SOX5: variants seen among roughly 807,000 people sequenced by gnomAD.
SOX5 encodes the protein transcription factor SOX-5.
Under a neutral mutation model 92.0 loss-of-function variants are expected in SOX5, and 9 were observed. The ratio of observed to expected loss-of-function variants is 0.10; its 90% confidence interval spans 0.06 to 0.17. The LOEUF is 0.17. Among genes scored for constraint, SOX5 ranks in the 10% least tolerant of loss-of-function variants. The pLI, the probability that SOX5 is intolerant of heterozygous loss-of-function variation, is 1.00. For missense variants in SOX5, 642 were observed against 944.5 expected, an observed-to-expected ratio of 0.68 and a Z score of 4.20; for synonymous variants, 344 against 336.3, an observed-to-expected ratio of 1.02 and a Z score of -0.25.
chr12:24,256,661 C>T (rs1204912326), intron 3 of SOX5, among the ~76,000 whole-genome samples: 2 of 55,988 alleles, frequency 3.6e-5, no homozygotes, highest in African/African-American at 7.0e-5. Flanking sequence ...AGAAGAGGGG[C>T]AGGGTGGGTG....
chr12:24,353,860 T>C (rs1485609309), intron 2 of SOX5, among the ~76,000 whole-genome samples: 1 of 152,074 alleles, frequency 6.6e-6, no homozygotes, highest in African/African-American at 2.4e-5. Context: ...AGTCTGGTCT[T>C]GAACTCCTGA....
At chr12:23,689,757 G>C (rs2088400345) in intron 6 of SOX5, among the ~76,000 whole-genome samples, 1 of 152,112 alleles carries the variant, frequency 6.6e-6, no homozygotes, top group African/African-American at 2.4e-5. Context: ...GATACAAGGA[G>C]AAAGAAACAT....
chr12:23,887,280 G>A (rs1486455577), intron 2 of SOX5, among the ~76,000 whole-genome samples: 1 of 152,024 alleles, frequency 6.6e-6, no homozygotes, highest in Non-Finnish European at 1.5e-5. Context: ...TCTAATAATG[G>A]CTCTATTGAG....
chr12:24,198,027 A>G (rs969915829), intron 4 of SOX5, among the ~76,000 whole-genome samples: 3 of 152,196 alleles, frequency 2.0e-5, no homozygotes, highest in African/African-American at 7.2e-5. Context: ...GAACTCTGAT[A>G]ATTAACAAAC....
intron 9 of SOX5, among the ~76,000 whole-genome samples, chr12:23,593,622 C>T (rs1360459329): frequency 6.6e-6 from 1 of 152,042 alleles, no homozygotes; most frequent in Non-Finnish European, 1.5e-5. Context: ...ATAAACTCAT[C>T]AATCTCACTA....
chr12:24,056,929 C>T (rs1329987684), intron 4 of SOX5, among the ~76,000 whole-genome samples: 2 of 132,340 alleles, frequency 1.5e-5, no homozygotes, highest in East Asian at 4.3e-4. Flanking sequence ...GAGCCGAGAT[C>T]CCGCCACTGC....
At chr12:24,468,244 A>G (rs1024048573) in intron 1 of SOX5, among the ~76,000 whole-genome samples, 6 of 152,218 alleles carry the variant, frequency 3.9e-5, no homozygotes, top group Admixed American at 3.3e-4. Context: ...TTGGAATCAA[A>G]GCCTCGTTCT....
At chr12:24,082,273 C>T (rs1481294886) in intron 4 of SOX5, among the ~76,000 whole-genome samples, 1 of 151,584 alleles carries the variant, frequency 6.6e-6, no homozygotes, top group East Asian at 1.9e-4. Flanking sequence ...CTCACTGTTT[C>T]CCTGTGAACC....
At chr12:24,158,817 C>A (rs1182870798) in intron 4 of SOX5, among the ~76,000 whole-genome samples, 1 of 151,810 alleles carries the variant, frequency 6.6e-6, no homozygotes, top group Non-Finnish European at 1.5e-5. Context: ...GTCACCTAAG[C>A]AAGTATGTCA....
At chr12:24,107,452 T>C (rs1946817960) in intron 4 of SOX5, among the ~76,000 whole-genome samples, 2 of 152,228 alleles carry the variant, frequency 1.3e-5, no homozygotes. Context: ...GAAATACTTT[T>C]TGTCTTTATA....
chr12:24,081,872 G>A (rs919809683), intron 4 of SOX5, among the ~76,000 whole-genome samples: 1 of 151,874 alleles, frequency 6.6e-6, no homozygotes, highest in African/African-American at 2.4e-5. Context: ...TTCTCTCATG[G>A]CAAACTCAGA....
intron 1 of SOX5, among the ~76,000 whole-genome samples, chr12:24,427,867 G>C (rs1966862057): frequency 6.6e-6 from 1 of 152,118 alleles, no homozygotes. Flanking sequence ...GAAAACATCA[G>C]GGGGCAAATT....
intron 8 of SOX5, among the ~76,000 whole-genome samples, chr12:23,630,637 C>T (rs898918758): frequency 4.6e-5 from 7 of 151,928 alleles, no homozygotes; most frequent in African/African-American, 1.2e-4. Context: ...AGAAATAATA[C>T]ATTTATTGTT....
chr12:23,924,522 G>A (rs974861369), intron 1 of SOX5, among the ~76,000 whole-genome samples: 1 of 152,148 alleles, frequency 6.6e-6, no homozygotes, highest in Non-Finnish European at 1.5e-5. Flanking sequence ...AATGTCCTTA[G>A]TTGTAAGTGA....
intron 4 of SOX5, among the ~76,000 whole-genome samples, chr12:23,956,787 G>T (rs532580374): frequency 1.3e-5 from 2 of 152,078 alleles, no homozygotes; most frequent in African/African-American, 4.8e-5. Flanking sequence ...CTGGGTTCAA[G>T]TGATTCTCCT....
intron 8 of SOX5, among the ~76,000 whole-genome samples, chr12:23,639,105 A>G (rs943190329): frequency 6.6e-6 from 1 of 152,062 alleles, no homozygotes; most frequent in Non-Finnish European, 1.5e-5. Context: ...GTAAGAACAT[A>G]TATGTTTGGT....
rs1942477045 is a variant in SOX5 at position 23,543,354 on chromosome 12, T to C, written c.1628A>G (p.Tyr543Cys). 6.2e-7 allele frequency: 1 copy of C among 1,613,938 alleles called. No homozygotes were observed. The highest frequency in any genetic ancestry group is 8.5e-7 in the Non-Finnish European group (1 of 1,179,842). ...GSAGVSESRI[Y>C]RESRGRGSNE... ...GCTACCACGCCCTCGGGATTCCCTA[T>C]AAATTCTTGACTCTGAGACTCCAGC... Residue 543 changes from tyrosine to cysteine, a missense_variant, in exon 13 of 15, where the codon TAT (tyrosine) becomes TGT (cysteine). Tyr to Cys is a radical substitution (Grantham distance 194). Transcript: ENST00000451604.
chr12:24,249,222 T>C (rs764746842), intron 3 of SOX5, among the ~76,000 whole-genome samples: 1 of 152,208 alleles, frequency 6.6e-6, no homozygotes, highest in East Asian at 1.9e-4. Flanking sequence ...AGGCCTTTCA[T>C]AGGCTTGCAC....
At chr12:24,112,599 C>G (rs935982658) in intron 4 of SOX5, among the ~76,000 whole-genome samples, 1 of 140,568 alleles carries the variant, frequency 7.1e-6, no homozygotes, top group East Asian at 2.3e-4. Flanking sequence ...GGCATAATCA[C>G]GGCTCACTGC....
Sources: gnomAD v4.1 joint callset for allele counts (sites outside exome capture counted in the v4.1 genomes callset) on GRCh38, gnomAD v4.1.1 for gene constraint, MANE v1.5 for transcripts, NCBI Gene and HGNC (gene_info 2026-07-23, HGNC 2026-07-21) for gene names.